The following TMEM225B variants were observed in gnomAD, a reference collection of about 807,000 sequenced individuals.
TMEM225B encodes transmembrane protein 225-like.
In TMEM225B, 10 loss-of-function variants were observed where a neutral mutation model predicts 16.9. The observed-to-expected ratio is 0.59, with a 90% confidence interval of 0.36 to 1.00. The LOEUF (loss-of-function observed/expected upper bound fraction) is 1.00. TMEM225B is among the 50% of genes least tolerant of loss of function. The pLI is 0.01. For missense variants in TMEM225B, 217 were observed against 267.0 expected (o/e 0.81, Z 1.30); for synonymous variants, 92 against 109.8 (o/e 0.84, Z 1.01).
intron 5 of TMEM225B, among the ~76,000 whole-genome samples, chr7:99,608,171 C>T (rs1197989956): frequency 4.6e-5 from 7 of 152,202 alleles, no homozygotes; most frequent in Non-Finnish European, 1.0e-4. Context: ...AGGAGAATCG[C>T]TTGAACCCAG....
Position 99,610,611 on chromosome 7 carries a change from C to T in TMEM225B, c.*46C>T. 1 of 1,515,452 alleles carries T rather than the reference C, an allele frequency of 6.6e-7. No individual in the cohort carries two copies. Among genetic ancestry groups the T allele is most frequent in the Non-Finnish European group, 8.9e-7 (1 of 1,129,546 alleles). The allele number at this position is 1,515,452 out of a possible 1,614,324, so 93.9% of individuals were successfully genotyped here. On this transcript the variant is annotated 3_prime_UTR_variant, in exon 6 of 6. Transcript: ENST00000431679. ...CCCTTCTTCAAGCCATGTGAGTGTACACATGTAGCTGTTTGTAGTCCTCCC... is the reference window on the plus strand; with the variant it reads ...CCCTTCTTCAAGCCATGTGAGTGTATACATGTAGCTGTTTGTAGTCCTCCC...
chr7:99,601,934 G>A (rs1307992718), intron 2 of TMEM225B, among the ~76,000 whole-genome samples: 4 of 152,226 alleles, frequency 2.6e-5, no homozygotes, highest in African/African-American at 9.6e-5. Context: ...GTTTGCACAG[G>A]GTGTGGGAGC....
chr7:99,603,739 C>CT (rs138124694), intron 2 of TMEM225B, among the ~76,000 whole-genome samples: 37,422 of 147,044 alleles, frequency 0.25, 9,262 homozygotes, highest in African/African-American at 0.64. Flanking sequence ...TAGTTTTTTT[C>CT]TTTTTTTTAA....
intron 5 of TMEM225B, among the ~76,000 whole-genome samples, chr7:99,608,091 C>T (rs112090644): frequency 0.011 from 1,643 of 152,180 alleles, 33 homozygotes; most frequent in African/African-American, 0.037. Flanking sequence ...CCCATCTCTA[C>T]TAAAAATACA....
At chr7:99,600,123 T>C in intron 1 of TMEM225B, 82 bp from the exon 2 acceptor site, 5 of 690,982 alleles carry the variant, frequency 7.2e-6, no homozygotes, top group African/African-American at 3.5e-5. Flanking sequence ...TGCCCTGGGG[T>C]ATACCTGGCC....
At chr7:99,606,677 A>T in intron 3 of TMEM225B, 71 bp from the exon 4 acceptor site, 1 of 1,450,856 alleles carries the variant, frequency 6.9e-7, no homozygotes, top group South Asian at 1.3e-5. Flanking sequence ...AGCCCTGCCC[A>T]GGCTCTGAGG....
chr7:99,602,774 A>G (rs1413218470), intron 2 of TMEM225B, among the ~76,000 whole-genome samples: 1 of 152,000 alleles, frequency 6.6e-6, no homozygotes, highest in Non-Finnish European at 1.5e-5. Flanking sequence ...GTACGGCGGC[A>G]TGATCATAGC....
intron 1 of TMEM225B, among the ~76,000 whole-genome samples, chr7:99,598,937 T>C (rs1387767924): frequency 6.6e-6 from 1 of 152,156 alleles, no homozygotes. Context: ...ACAGCTTTTC[T>C]TACCTCCTGG....
At chr7:99,604,997 AAACAAC>A (rs143208811) in intron 3 of TMEM225B, among the ~76,000 whole-genome samples, 17,613 of 138,364 alleles carry the variant, frequency 0.13, 1,926 homozygotes, top group African/African-American at 0.31. Flanking sequence ...CCCTGTCTCA[AAACAAC>A]AACAACAACA....
At chr7:99,598,609 AT>A (rs1408476187) in intron 1 of TMEM225B, among the ~76,000 whole-genome samples, 3 of 152,200 alleles carry the variant, frequency 2.0e-5, no homozygotes, top group Non-Finnish European at 4.4e-5. Flanking sequence ...GAGTCCTGGC[AT>A]TCAGGGGAAA....
Position 99,604,483 on chromosome 7 carries a change from C to T in TMEM225B, c.95C>T (p.Ser32Phe). ...SLGYLIILVVSIFPFWVRLTN... is the reference protein window; with the variant it reads ...SLGYLIILVVFIFPFWVRLTN... ...GGCTACCTGATTATACTGGTGGTCTCCATCTTTCCCTTCTGGGTGCGACTG... is the reference window on the plus strand; with the variant it reads ...GGCTACCTGATTATACTGGTGGTCTTCATCTTTCCCTTCTGGGTGCGACTG... Residue 32 changes from serine (S) to phenylalanine (F), a missense_variant, in exon 3 of 6, where the codon TCC becomes TTC. Physicochemically the swap from Ser to Phe is radical, Grantham distance 155. Transcript: ENST00000431679. 1 of 1,536,034 alleles carries T rather than the reference C, an allele frequency of 6.5e-7. No homozygotes were observed. The highest frequency in any genetic ancestry group is 8.7e-7 in the Non-Finnish European group (1 of 1,146,830).
chr7:99,609,189 A>G (rs1806125811), intron 5 of TMEM225B, among the ~76,000 whole-genome samples: 1 of 151,868 alleles, frequency 6.6e-6, no homozygotes. Context: ...ACAAAAAACC[A>G]CATATTTAAG....
rs559716034 is a variant in TMEM225B, at chr7:99,610,851, G to A, written c.*286G>A. The A allele has an allele frequency of 4.2e-4, 124 of 292,590 alleles. 1 individual carries two copies. The highest frequency in any genetic ancestry group is 2.4e-3 in the African/African-American group (116 of 47,524). 18.1% of individuals were successfully genotyped at this position (292,590 alleles called of 1,614,324 possible). A position where few individuals can be genotyped will look rare whatever the true frequency, so the allele number is the denominator to read the frequency against. On this transcript the variant is annotated 3_prime_UTR_variant, in exon 6 of 6. Transcript: ENST00000431679. ...CATCCATATCTCAAAAACCAAGTCC[G>A]CAGGGCAGGAGGGGAGGGAGGAATA...
chr7:99,607,202 C>T (rs1400981746), intron 4 of TMEM225B, among the ~76,000 whole-genome samples: 3 of 151,910 alleles, frequency 2.0e-5, no homozygotes, highest in Non-Finnish European at 4.4e-5. Flanking sequence ...GCTATGTTGC[C>T]CAGGCTGGCC....
intron 4 of TMEM225B, 89 bp from the exon 5 acceptor site, chr7:99,607,584 C>CCT: frequency 7.5e-7 from 1 of 1,334,126 alleles, no homozygotes; most frequent in East Asian, 2.6e-5. Flanking sequence ...GATGAAGGAG[C>CCT]CTCCAGGCAG....
intron 1 of TMEM225B, among the ~76,000 whole-genome samples, chr7:99,599,323 C>T (rs976475485): frequency 6.6e-6 from 1 of 152,034 alleles, no homozygotes; most frequent in Non-Finnish European, 1.5e-5. Context: ...GGGCCTCATG[C>T]CTGTAATTTC....
At chr7:99,609,410 T>C (rs1277329429) in intron 5 of TMEM225B, among the ~76,000 whole-genome samples, 3 of 152,142 alleles carry the variant, frequency 2.0e-5, no homozygotes, top group African/African-American at 4.8e-5. Context: ...AACACAGCAT[T>C]GATCATTTAC....
In TMEM225B at chr7:99,610,567, C is replaced by T; in HGVS notation, c.*2C>T. Reference sequence around the variant, plus strand: ...GTGACAGCAGAAACAGTCATCTAGCCCAGGACATGGCTTCTTTACCCTTCT... The same window carrying T: ...GTGACAGCAGAAACAGTCATCTAGCTCAGGACATGGCTTCTTTACCCTTCT... On this transcript the variant is annotated 3_prime_UTR_variant, in exon 6 of 6. Coordinates refer to ENST00000431679, the MANE Select transcript of TMEM225B (RefSeq NM_001195541.3). The T allele has an allele frequency of 3.3e-6, 5 of 1,535,910 alleles. No homozygotes were observed.
chr7:99,607,725 G>A lies in TMEM225B; in HGVS notation c.408G>A (p.Leu136=), dbSNP rs1321053678. The A allele has an allele frequency of 2.0e-6, 3 of 1,536,118 alleles. No individual in the cohort carries two copies. The highest frequency in any genetic ancestry group is 2.6e-6 in the Non-Finnish European group (3 of 1,146,900). ...TGCATGCCCTGGAGATCAAGGCTCT[G>A]AGGATGAAGCTCGGCCCCCTGCAGT... is the stretch of plus-strand genomic sequence containing the variant. ...LVLHALEIKA[L]RMKLGPLQFS... is the part of the protein sequence containing the mutation. Residue 136 remains leucine, a synonymous_variant, in exon 5 of 6, where the codon CTG becomes CTA. Transcript: ENST00000431679.
Sources: gnomAD v4.1 joint callset for allele counts (sites outside exome capture counted in the v4.1 genomes callset) on GRCh38, gnomAD v4.1.1 for gene constraint, MANE v1.5 for transcripts, NCBI Gene and HGNC (gene_info 2026-07-23, HGNC 2026-07-21) for gene names.